NUP98: variants seen among roughly 807,000 people sequenced by gnomAD.
NUP98 encodes nucleoporin 98 and 96 precursor, also known as nuclear pore complex protein Nup98-Nup96.
NUP98 carries 26 observed loss-of-function variants against 191.9 expected under a neutral mutation model. The observed-to-expected ratio is 0.14, with a 90% CI of 0.10 to 0.19. The LOEUF is 0.19. NUP98 is among the 10% of genes least tolerant of loss of function. The pLI is 1.00. For missense variants in NUP98, 1,941 were observed against 2,178.8 expected, an observed-to-expected ratio of 0.89 and a Z score of 2.17; for synonymous variants, 808 against 778.4, an observed-to-expected ratio of 1.04 and a Z score of -0.63.
chr11:3,692,607 A>G (rs982949394), intron 27 of NUP98, among the ~76,000 whole-genome samples: 21 of 152,116 alleles, frequency 1.4e-4, no homozygotes, highest in African/African-American at 4.8e-4. Context: ...AAAAAAAAAA[A>G]GTAAACAGAC....
intron 28 of NUP98, among the ~76,000 whole-genome samples, chr11:3,687,185 C>T (rs1317908202): frequency 6.6e-6 from 1 of 152,134 alleles, no homozygotes; most frequent in Non-Finnish European, 1.5e-5. Flanking sequence ...CGTCCCACTT[C>T]AGCGTCACAA....
intron 28 of NUP98, among the ~76,000 whole-genome samples, chr11:3,690,722 T>C (rs1236710737): frequency 6.6e-6 from 1 of 152,132 alleles, no homozygotes; most frequent in African/African-American, 2.4e-5. Flanking sequence ...GGTGGGAATA[T>C]AAAAATGATA....
At chr11:3,703,129 C>G (rs981216122) in intron 22 of NUP98, among the ~76,000 whole-genome samples, 6 of 151,710 alleles carry the variant, frequency 4.0e-5, no homozygotes, top group African/African-American at 1.5e-4. Context: ...ATAATAAAAG[C>G]AACAACACTA....
intron 12 of NUP98, among the ~76,000 whole-genome samples, chr11:3,738,152 G>C (rs1228913081): frequency 6.8e-6 from 1 of 147,880 alleles, no homozygotes; most frequent in Non-Finnish European, 1.5e-5. Context: ...AAGTGCATGA[G>C]CATGATTTTA....
At chr11:3,764,857 C>T (rs1484743932) in intron 8 of NUP98, among the ~76,000 whole-genome samples, 5 of 152,182 alleles carry the variant, frequency 3.3e-5, no homozygotes, top group Non-Finnish European at 7.3e-5. Flanking sequence ...GGATTAAAGG[C>T]GTGAGCCACC....
intron 14 of NUP98, among the ~76,000 whole-genome samples, chr11:3,731,175 A>G (rs1452993787): frequency 6.6e-6 from 1 of 151,530 alleles, no homozygotes; most frequent in Admixed American, 6.6e-5. Context: ...GAAGCAAGAG[A>G]ATCGTTTGAA....
intron 12 of NUP98, among the ~76,000 whole-genome samples, chr11:3,742,699 C>CAAAAAAAAA (rs35895691): frequency 1.2e-5 from 1 of 82,890 alleles, no homozygotes; most frequent in African/African-American, 4.5e-5. Flanking sequence ...ACTCTGTCTC[C>CAAAAAAAAA]AAAAAAAAAA....
chr11:3,735,504 A>G (rs1250308960), intron 12 of NUP98, among the ~76,000 whole-genome samples, 180 bp from the exon 13 acceptor site: 3 of 152,148 alleles, frequency 2.0e-5, no homozygotes, highest in Non-Finnish European at 2.9e-5. Context: ...TCAAGAATCA[A>G]ATAAGCTAAT....
intron 1 of NUP98, among the ~76,000 whole-genome samples, chr11:3,787,284 T>A (rs1348950554): frequency 2.0e-5 from 3 of 152,200 alleles, no homozygotes; most frequent in Non-Finnish European, 4.4e-5. Flanking sequence ...GGTTAGAACA[T>A]CATATCCTCT....
At chr11:3,792,264 T>C (rs1406306428) in intron 1 of NUP98, among the ~76,000 whole-genome samples, 5 of 150,056 alleles carry the variant, frequency 3.3e-5, no homozygotes, top group Non-Finnish European at 4.4e-5. Flanking sequence ...AAGACTTATC[T>C]GATGAGATGG....
At chr11:3,746,294 A>AGAAAAG (rs2080497933) in intron 11 of NUP98, among the ~76,000 whole-genome samples, 1 of 93,086 alleles carries the variant, frequency 1.1e-5, no homozygotes, top group African/African-American at 5.0e-5. Flanking sequence ...AAAAAAAAAA[A>AGAAAAG]GACAGCTTTG....
intron 30 of NUP98, 199 bp from the exon 31 acceptor site, chr11:3,679,907 TCA>T: frequency 1.7e-6 from 1 of 589,280 alleles, no homozygotes; most frequent in Non-Finnish European, 2.9e-6. Context: ...CACAATAAAA[TCA>T]CAAATTTTTT....
At chr11:3,704,494 G>A (rs1191494178) in intron 22 of NUP98, among the ~76,000 whole-genome samples, 2 of 152,200 alleles carry the variant, frequency 1.3e-5, no homozygotes, top group Non-Finnish European at 2.9e-5. Flanking sequence ...CTTGTCCCTA[G>A]AAGACAATAA....
In NUP98 at chr11:3,779,226, T is replaced by C. The variant is rs1313577122; in HGVS notation, c.108A>G (p.Ala36=). 1 of 1,614,144 alleles carries C rather than the reference T, an allele frequency of 6.2e-7. No homozygotes were observed. The highest frequency in any genetic ancestry group is 1.1e-5 in the South Asian group (1 of 91,076). The change falls in exon 3 of 33, where the codon GCA becomes GCG. Residue 36 remains alanine (A), a synonymous_variant. Transcript: ENST00000324932. ...NTGFGTTSGG[A]FGTSAFGSSN... ...TAGAACCAAATGCAGATGTTCCAAATGCCCCTCCACTAGTAGTGCCAAAGC... is the reference window on the plus strand; with the variant it reads ...TAGAACCAAATGCAGATGTTCCAAACGCCCCTCCACTAGTAGTGCCAAAGC...
chr11:3,788,488 G>C (rs1564933624), intron 1 of NUP98, among the ~76,000 whole-genome samples: 1 of 152,248 alleles, frequency 6.6e-6, no homozygotes, highest in South Asian at 2.1e-4. Context: ...CTACTCAGGA[G>C]GCTGAGGCAG....
intron 20 of NUP98, among the ~76,000 whole-genome samples, chr11:3,708,409 C>A (rs1319059500): frequency 6.6e-6 from 1 of 152,070 alleles, no homozygotes; most frequent in Admixed American, 6.6e-5. Context: ...GAGAGGATTT[C>A]GTTAAATAAC....
rs117322403 is a variant in NUP98, at chr11:3,700,674, A to G, written c.3678T>C (p.Val1226=). The change falls in exon 24 of 33, where the codon GTT becomes GTC. Residue 1226 remains valine, a synonymous_variant. Transcript: ENST00000324932. ...AATCTGCATAGTCATGAATGACAGCAACTCCCAGATTGGGGACAATGAGAG... is the reference window on the plus strand; with the variant it reads ...AATCTGCATAGTCATGAATGACAGCGACTCCCAGATTGGGGACAATGAGAG... ...LCPLIVPNLG[V]AVIHDYADWV... 452 of 1,614,224 alleles carry G rather than the reference A, an allele frequency of 2.8e-4. 5 individuals carry two copies. The East Asian group carries it at 8.1e-3, about 29-fold the overall frequency.
chr11:3,776,113 A>T, intron 4 of NUP98, 92 bp from the exon 5 acceptor site: 1 of 868,604 alleles, frequency 1.2e-6, no homozygotes, highest in South Asian at 1.7e-5. Flanking sequence ...CTAGCATCAC[A>T]GTACTTCATT....
At chr11:3,734,480 T>C (rs554815543) in intron 13 of NUP98, among the ~76,000 whole-genome samples, 2 of 152,368 alleles carry the variant, frequency 1.3e-5, no homozygotes, top group Admixed American at 6.5e-5. Context: ...GCCCTCAACA[T>C]TGAACACTAT....
Sources: gnomAD v4.1 joint callset for allele counts (sites outside exome capture counted in the v4.1 genomes callset) on GRCh38, gnomAD v4.1.1 for gene constraint, MANE v1.5 for transcripts, NCBI Gene and HGNC (gene_info 2026-07-23, HGNC 2026-07-21) for gene names.